The following WWOX variants were observed in gnomAD, a reference collection of about 807,000 sequenced individuals.
WWOX encodes WW domain-containing oxidoreductase.
WWOX carries 69 observed loss-of-function variants against 46.2 expected under a neutral mutation model. The ratio of observed to expected loss-of-function variants is 1.49; its 90% CI spans 1.23 to 1.82. The LOEUF (loss-of-function observed/expected upper bound fraction) is 1.82. Among genes scored for constraint, WWOX ranks in the 40% most tolerant of loss-of-function variants. The probability of loss-of-function intolerance (pLI) is 0.00; values close to 1 mark genes in which losing one functional copy is unlikely to be tolerated. For synonymous variants in WWOX, 359 were observed against 202.6 expected (o/e 1.77, Z -6.56); for missense variants, 919 against 542.6 (o/e 1.69, Z -6.89).
chr16:78,861,823 C>T (rs143582723), intron 8 of WWOX, among the ~76,000 whole-genome samples: 2 of 152,114 alleles, frequency 1.3e-5, no homozygotes, highest in Non-Finnish European at 2.9e-5. Flanking sequence ...AGGTAAAGCA[C>T]AAAAGAAATT....
At position 79,199,301 on chromosome 16, in the gene WWOX, G is replaced by A. The variant is rs545621874; in HGVS notation, c.1057-12307G>A. Among the ~76,000 whole-genome samples the A allele has an allele frequency of 2.0e-5, 3 of 152,274 alleles. No homozygotes were observed. The East Asian group carries it at 5.8e-4, about 29-fold the overall frequency. ...TGGTCTCGAACTCCTGACCTCAAGT[G>A]ATCCACCTGCCTTGGCCTCCCAAAG... On this transcript the variant is annotated intron_variant, in intron 8 of 8. Coordinates refer to ENST00000566780, the MANE Select transcript of WWOX (RefSeq NM_016373.4).
intron 8 of WWOX, among the ~76,000 whole-genome samples, chr16:78,634,566 C>T (rs1171511978): frequency 6.6e-6 from 1 of 151,944 alleles, no homozygotes; most frequent in Non-Finnish European, 1.5e-5. Context: ...ATTAGCTGGG[C>T]ATGGTGGCGG....
At chr16:78,263,994 A>ATTTTTTTTTTTTT (rs1597419237) in intron 5 of WWOX, among the ~76,000 whole-genome samples, 4 of 41,474 alleles carry the variant, frequency 9.6e-5, no homozygotes, top group African/African-American at 4.2e-4. Flanking sequence ...TGGCTGTGAA[A>ATTTTTTTTTTTTT]TCTTTTTTTT....
At position 78,431,143 on chromosome 16, in the gene WWOX, A is replaced by G. The variant is rs143668162; in HGVS notation, c.792-1345A>G. Among the ~76,000 whole-genome samples the G allele has an allele frequency of 8.4e-4, 128 of 152,308 alleles. 1 individual carries two copies. In the East Asian group the frequency reaches 0.02, roughly 24 times the overall value. On this transcript the variant is annotated intron_variant, in intron 7 of 8. Transcript: ENST00000566780. Reference sequence around the variant, plus strand: ...CACTATAATGTTGTTATTTAAGAGAAAGAGACAAACGGAAAGAAACAAACA... The same window carrying G: ...CACTATAATGTTGTTATTTAAGAGAGAGAGACAAACGGAAAGAAACAAACA...
intron 5 of WWOX, among the ~76,000 whole-genome samples, chr16:78,164,772 C>T (rs558875843): frequency 1.8e-4 from 28 of 152,278 alleles, no homozygotes; most frequent in African/African-American, 6.5e-4. Context: ...GAAACAGAAT[C>T]CCTGCCCTCA....
At chr16:78,830,849 C>G (rs1050809214) in intron 8 of WWOX, among the ~76,000 whole-genome samples, 2 of 152,004 alleles carry the variant, frequency 1.3e-5, no homozygotes, top group Non-Finnish European at 2.9e-5. Flanking sequence ...GCAGAGTGTC[C>G]TTTTCTTTCT....
chr16:78,710,498 A>ATATT (rs941311575), intron 8 of WWOX, among the ~76,000 whole-genome samples: 1 of 132,828 alleles, frequency 7.5e-6, no homozygotes, highest in African/African-American at 2.9e-5. Flanking sequence ...ATATATATAT[A>ATATT]TTTATATAAA....
intron 8 of WWOX, among the ~76,000 whole-genome samples, chr16:79,049,169 T>C (rs1383998399): frequency 6.6e-6 from 1 of 152,224 alleles, no homozygotes; most frequent in African/African-American, 2.4e-5. Flanking sequence ...ATCACAACTA[T>C]TCAGTTCTGC....
At chr16:78,780,347 C>T (rs975859762) in intron 8 of WWOX, 1 of 152,054 alleles carries the variant, frequency 6.6e-6, no homozygotes, top group African/African-American at 2.4e-5. Flanking sequence ...TATTCATTCA[C>T]TGGTTGATTA....
At chr16:78,927,543 A>T (rs1039085210) in intron 8 of WWOX, among the ~76,000 whole-genome samples, 1 of 152,132 alleles carries the variant, frequency 6.6e-6, no homozygotes, top group African/African-American at 2.4e-5. Context: ...TGATAAATGG[A>T]TGTTAGTCAT....
chr16:78,479,677 A>G (rs1382965692), intron 8 of WWOX, among the ~76,000 whole-genome samples: 1 of 152,192 alleles, frequency 6.6e-6, no homozygotes, highest in African/African-American at 2.4e-5. Context: ...CATCTGTAGA[A>G]TATGGACAGC....
At chr16:78,576,993 G>A (rs187785035) in intron 8 of WWOX, among the ~76,000 whole-genome samples, 1 of 152,234 alleles carries the variant, frequency 6.6e-6, no homozygotes, top group East Asian at 1.9e-4. Flanking sequence ...AGCTATTGCT[G>A]CAGAACAAAT....
At chr16:78,281,227 A>G (rs12443752) in intron 5 of WWOX, among the ~76,000 whole-genome samples, 98,861 of 152,008 alleles carry the variant, frequency 0.65, 32,679 homozygotes, top group East Asian at 0.76. Flanking sequence ...CTCACTCACT[A>G]TGGTGAAGAC....
chr16:78,779,181 G>C, intron 8 of WWOX, among the ~76,000 whole-genome samples: 1 of 152,150 alleles, frequency 6.6e-6, no homozygotes. Flanking sequence ...CAGGGTCTTT[G>C]TTTCCCAGGC....
chr16:78,334,816 A>C (rs796406389), intron 5 of WWOX, among the ~76,000 whole-genome samples: 2 of 81,370 alleles, frequency 2.5e-5, no homozygotes, highest in Non-Finnish European at 5.3e-5. Flanking sequence ...ACGCACACAC[A>C]CACACACACA....
rs2045413293 is a variant in WWOX at position 78,922,979 on chromosome 16, C to CTTTTCTT, written c.1057-288624_1057-288618dup. On this transcript the variant is annotated intron_variant, in intron 8 of 8. Transcript: ENST00000566780. The stretch of plus-strand genomic sequence containing the variant: ...ATATTCAGGAGGCATAATTCTTTCT[C>CTTTTCTT]TTTTCTTTTTTTTTTTTTTGAGACA... 3.1e-4 allele frequency among the ~76,000 whole-genome samples: 35 copies of CTTTTCTT among 111,632 alleles called. 1 individual carries two copies. The South Asian group carries it at 9.0e-3, about 29-fold the overall frequency. 73.2% of individuals were successfully genotyped at this position (111,632 alleles called of 152,430 possible).
chr16:78,654,783 G>C (rs1402152948), intron 8 of WWOX, among the ~76,000 whole-genome samples: 1 of 151,474 alleles, frequency 6.6e-6, no homozygotes. Context: ...TTGACATTGT[G>C]ATGAAACATA....
rs117523611 is a variant in WWOX, at chr16:79,210,518, G to A, written c.1057-1090G>A. ...CAAAGTTCCTTAGTGTTTTCCTTGT[G>A]GGGGCGAGCTTATCTTCAGTTACCT... is the stretch of plus-strand genomic sequence containing the variant. On this transcript the variant is annotated intron_variant, in intron 8 of 8. Transcript: ENST00000566780. 5.6e-3 allele frequency among the ~76,000 whole-genome samples: 859 copies of A among 152,278 alleles called. 2 individuals are homozygous for A. The highest frequency in any genetic ancestry group is 9.1e-3 in the Non-Finnish European group (621 of 68,018).
intron 6 of WWOX, among the ~76,000 whole-genome samples, chr16:78,420,311 C>A (rs1010290127): frequency 3.3e-5 from 5 of 152,040 alleles, no homozygotes; most frequent in African/African-American, 7.2e-5. Flanking sequence ...TAGCATCTTA[C>A]AAATGAATGT....
Sources: gnomAD v4.1 joint callset for allele counts (sites outside exome capture counted in the v4.1 genomes callset) on GRCh38, gnomAD v4.1.1 for gene constraint, MANE v1.5 for transcripts, NCBI Gene and HGNC (gene_info 2026-07-23, HGNC 2026-07-21) for gene names.